The following GNB1 variants were observed in gnomAD, a reference collection of about 807,000 sequenced individuals.
GNB1 encodes guanine nucleotide-binding protein G(I)/G(S)/G(T) subunit beta-1.
Under a neutral mutation model 42.9 loss-of-function variants are expected in GNB1, and 2 were observed. The ratio of observed to expected loss-of-function variants is 0.05; its 90% confidence interval spans 0.02 to 0.15. The LOEUF (loss-of-function observed/expected upper bound fraction) is 0.15, where lower values mean the gene tolerates loss of function less well. Ranked by LOEUF, GNB1 falls within the 10% of genes least tolerant of loss-of-function variation. GNB1 has a pLI of 1.00. For missense variants in GNB1, 193 were observed against 462.2 expected (o/e 0.42, Z 5.34); for synonymous variants, 183 against 174.7 (o/e 1.05, Z -0.38).
chr1:1,836,387 CTTTTTTTTTT>C (rs34812880), intron 2 of GNB1, among the ~76,000 whole-genome samples: 3 of 85,150 alleles, frequency 3.5e-5, no homozygotes, highest in African/African-American at 8.0e-5. Context: ...CTTAATATTG[CTTTTTTTTTT>C]TTTTTTTTTT....
intron 1 of GNB1, among the ~76,000 whole-genome samples, chr1:1,883,598 A>T (rs987348903): frequency 6.6e-6 from 1 of 152,220 alleles, no homozygotes; most frequent in African/African-American, 2.4e-5. Flanking sequence ...TTTAATCCTC[A>T]CAATGACCCC....
intron 5 of GNB1, among the ~76,000 whole-genome samples, chr1:1,810,024 GGA>G (rs1318862418): frequency 6.6e-6 from 1 of 151,936 alleles, no homozygotes; most frequent in Non-Finnish European, 1.5e-5. Context: ...GTTAAGTCCA[GGA>G]GTTTGAAACC....
chr1:1,817,920 T>C (rs1030163591), intron 3 of GNB1, 45 bp from the exon 4 acceptor site: 1 of 1,467,606 alleles, frequency 6.8e-7, no homozygotes, highest in Non-Finnish European at 9.6e-7. Flanking sequence ...TTCAGATACA[T>C]TCAATCTCAG....
At chr1:1,816,789 C>T (rs1646863682) in intron 4 of GNB1, among the ~76,000 whole-genome samples, 1 of 151,832 alleles carries the variant, frequency 6.6e-6, no homozygotes, top group Non-Finnish European at 1.5e-5. Flanking sequence ...GCTGGGATTA[C>T]AGGTGTGTGC....
intron 1 of GNB1, among the ~76,000 whole-genome samples, chr1:1,843,645 C>A (rs1184186799): frequency 1.3e-5 from 2 of 152,106 alleles, no homozygotes; most frequent in Non-Finnish European, 2.9e-5. Context: ...GTTGTCTGGA[C>A]CCATTTCTGG....
At chr1:1,865,397 T>C (rs1169425919) in intron 1 of GNB1, among the ~76,000 whole-genome samples, 1 of 149,548 alleles carries the variant, frequency 6.7e-6, no homozygotes, top group African/African-American at 2.5e-5. Context: ...CCATCCTGGC[T>C]AACACGGTGA....
intron 1 of GNB1, among the ~76,000 whole-genome samples, chr1:1,882,466 G>A (rs1376776968): frequency 2.1e-5 from 3 of 143,540 alleles, no homozygotes; most frequent in African/African-American, 7.8e-5. Context: ...AAGGTGCTAA[G>A]TCAACATCTG....
chr1:1,811,755 C>A (rs1000005292), intron 5 of GNB1, among the ~76,000 whole-genome samples: 8 of 150,790 alleles, frequency 5.3e-5, no homozygotes, highest in African/African-American at 1.7e-4. Context: ...ATAAATCAAA[C>A]AAACACAGTT....
At chr1:1,862,899 C>T (rs1557937244) in intron 1 of GNB1, among the ~76,000 whole-genome samples, 2 of 152,148 alleles carry the variant, frequency 1.3e-5, no homozygotes, top group Non-Finnish European at 2.9e-5. Flanking sequence ...GGCAAGGTGG[C>T]TGAATTTGAA....
chr1:1,844,524 A>C (rs1357557291), intron 1 of GNB1, among the ~76,000 whole-genome samples: 3 of 152,188 alleles, frequency 2.0e-5, no homozygotes, highest in Non-Finnish European at 4.4e-5. Context: ...TTATACTTTT[A>C]TTTCAGCATT....
chr1:1,843,473 C>G (rs1647437659), intron 1 of GNB1, among the ~76,000 whole-genome samples: 1 of 152,168 alleles, frequency 6.6e-6, no homozygotes, highest in African/African-American at 2.4e-5. Flanking sequence ...ACGATCCTTG[C>G]AGGTCGGCCT....
At chr1:1,850,573 G>A (rs1647927438) in intron 1 of GNB1, among the ~76,000 whole-genome samples, 1 of 151,978 alleles carries the variant, frequency 6.6e-6, no homozygotes, top group Non-Finnish European at 1.5e-5. Flanking sequence ...TGTTTTTAAA[G>A]AATCTCTAAC....
At chr1:1,830,961 C>T (rs1386925038) in intron 2 of GNB1, among the ~76,000 whole-genome samples, 2 of 152,072 alleles carry the variant, frequency 1.3e-5, no homozygotes, top group Non-Finnish European at 2.9e-5. Flanking sequence ...GTTAGGAGTT[C>T]GAGACCAGCC....
chr1:1,881,372 T>C (rs565468200), intron 1 of GNB1, among the ~76,000 whole-genome samples: 1 of 151,856 alleles, frequency 6.6e-6, no homozygotes, highest in African/African-American at 2.4e-5. Flanking sequence ...CAGATCAATC[T>C]CCTTAAAACT....
At chr1:1,838,944 GA>G (rs1647186604) in intron 2 of GNB1, among the ~76,000 whole-genome samples, 1 of 152,070 alleles carries the variant, frequency 6.6e-6, no homozygotes, top group Non-Finnish European at 1.5e-5. Flanking sequence ...AAAAGAGATA[GA>G]AAAAAACTGT....
intron 1 of GNB1, among the ~76,000 whole-genome samples, chr1:1,884,965 G>A (rs1478914272): frequency 6.6e-6 from 1 of 151,988 alleles, no homozygotes; most frequent in African/African-American, 2.4e-5. Context: ...TTACAGGCAT[G>A]AGCCACCGTG....
intron 5 of GNB1, among the ~76,000 whole-genome samples, chr1:1,806,871 G>A (rs1192561398): frequency 2.0e-5 from 3 of 152,200 alleles, no homozygotes; most frequent in Non-Finnish European, 2.9e-5. Flanking sequence ...CTACTCGGGA[G>A]GCTGAGGCAG....
At position 1,787,656 on chromosome 1, in the gene GNB1, G is replaced by A. The variant is rs1646424200; in HGVS notation, c.917-219C>T. 6.6e-6 allele frequency among the ~76,000 whole-genome samples: 1 copy of A among 152,088 alleles called. No individual in the cohort carries two copies. The highest frequency in any genetic ancestry group is 1.5e-5 in the Non-Finnish European group (1 of 68,010). On this transcript the variant is annotated intron_variant, in intron 10 of 11. Transcript: ENST00000378609. This position sits in a 1 kb window ranked among gnomAD's most constrained non-coding sequence, Gnocchi z 4.4. ...CAAAGACACGCACACACACGCAATCGATAAATCCAGAGCCCCTGGCATTGA... is the reference window on the plus strand; with the variant it reads ...CAAAGACACGCACACACACGCAATCAATAAATCCAGAGCCCCTGGCATTGA...
Position 1,790,040 on chromosome 1 carries a change from C to T in GNB1, c.699+355G>A, listed in dbSNP as rs2272908. Among the ~76,000 whole-genome samples the T allele has an allele frequency of 0.39, 59,963 of 152,044 alleles. 14,291 individuals are homozygous for T. Among genetic ancestry groups the T allele is most frequent in the Admixed American group, 0.55 (8,353 of 15,252 alleles). On this transcript the variant is annotated intron_variant, in intron 9 of 11. Transcript: ENST00000378609. This position sits in a 1 kb window ranked among gnomAD's most constrained non-coding sequence, Gnocchi z 5.4. ...GGGCTGGAAACACTGCCTAGCCATC[C>T]GCGTGCTAAAGAGGAGGGCAGGTTC...
Sources: allele counts gnomAD v4.1 joint callset (sites outside exome capture counted in the v4.1 genomes callset), GRCh38; gene constraint gnomAD v4.1.1; non-coding constraint Gnocchi (gnomAD v3.1); transcripts MANE v1.5; gene names NCBI Gene and HGNC (gene_info 2026-07-23, HGNC 2026-07-21).